The following CAMTA1 variants were observed in gnomAD, a reference collection of about 807,000 sequenced individuals.
The protein encoded by CAMTA1 is calmodulin binding transcription activator 1.
Under a neutral mutation model 170.9 loss-of-function variants are expected in CAMTA1, and 27 were observed. The observed-to-expected ratio is 0.16, with a 90% CI of 0.12 to 0.22. The LOEUF is 0.22. CAMTA1 is among the 10% of genes least tolerant of loss of function. The probability of loss-of-function intolerance (pLI) is 1.00; values close to 1 mark genes in which losing one functional copy is unlikely to be tolerated. For synonymous variants in CAMTA1, 833 were observed against 891.5 expected, an observed-to-expected ratio of 0.93 and a Z score of 1.17; for missense variants, 1,619 against 2,217.2, an observed-to-expected ratio of 0.73 and a Z score of 5.42.
chr1:6,994,113 T>G lies in CAMTA1; in HGVS notation c.235-97191T>G, dbSNP rs914126643. Among the ~76,000 whole-genome samples the G allele has an allele frequency of 2.0e-5, 3 of 152,210 alleles. 1 individual carries two copies. The South Asian group carries it at 6.2e-4, about 32-fold the overall frequency. ...TCTTGCAACTATATTGTTTATATCTTAATTTCTTCATGCTATACTTGTTAT... is the reference window on the plus strand; with the variant it reads ...TCTTGCAACTATATTGTTTATATCTGAATTTCTTCATGCTATACTTGTTAT... On this transcript the variant is annotated intron_variant, in intron 3 of 22. Coordinates refer to ENST00000303635, the MANE Select transcript of CAMTA1 (RefSeq NM_015215.4).
At chr1:7,722,102 T>C (rs559551615) in intron 11 of CAMTA1, among the ~76,000 whole-genome samples, 1 of 152,232 alleles carries the variant, frequency 6.6e-6, no homozygotes, top group African/African-American at 2.4e-5. Flanking sequence ...TAGGAGCTGG[T>C]TTCCTGGCAT....
chr1:7,098,258 G>T (rs764736238), intron 4 of CAMTA1, among the ~76,000 whole-genome samples: 2 of 152,250 alleles, frequency 1.3e-5, no homozygotes, highest in Non-Finnish European at 2.9e-5. Context: ...AAAGGAAACT[G>T]GGTCAGCAGT....
intron 10 of CAMTA1, among the ~76,000 whole-genome samples, chr1:7,675,862 C>T (rs750899881): frequency 3.9e-5 from 6 of 152,138 alleles, no homozygotes; most frequent in Non-Finnish European, 7.4e-5. Flanking sequence ...GCTGGGACCC[C>T]GGAGACCACA....
In CAMTA1 at chr1:7,680,489, C is replaced by A. The variant is rs1216961479; in HGVS notation, c.2914+2756C>A. Among the ~76,000 whole-genome samples the A allele has an allele frequency of 6.6e-6, 1 of 150,988 alleles. No homozygotes were observed. The highest frequency in any genetic ancestry group is 2.4e-5 in the African/African-American group (1 of 41,092). On this transcript the variant is annotated intron_variant, in intron 11 of 22. Coordinates refer to ENST00000303635, the MANE Select transcript of CAMTA1 (RefSeq NM_015215.4). The surrounding 1 kb of genome is among the most constrained non-coding windows in gnomAD (Gnocchi z 4.4). ...GCGCGCCCTCCCGCCGACGCGCAGCCGCAATGCGGGGCCCTTCGCGGAACT... is the reference window on the plus strand; with the variant it reads ...GCGCGCCCTCCCGCCGACGCGCAGCAGCAATGCGGGGCCCTTCGCGGAACT...
intron 3 of CAMTA1, among the ~76,000 whole-genome samples, chr1:6,852,845 G>C (rs1418500544): frequency 2.0e-5 from 3 of 152,252 alleles, no homozygotes; most frequent in Non-Finnish European, 4.4e-5. Context: ...TTCCCAGGAG[G>C]TGGTGGGGTG....
At chr1:7,257,076 C>CGGGGGGGG (rs146110106) in intron 5 of CAMTA1, among the ~76,000 whole-genome samples, 17 of 135,024 alleles carry the variant, frequency 1.3e-4, no homozygotes, top group Non-Finnish European at 2.0e-4. Context: ...CATCGCATGG[C>CGGGGGGGG]GGGGGCGGGG....
intron 22 of CAMTA1, among the ~76,000 whole-genome samples, chr1:7,766,158 A>T (rs987070425): frequency 6.6e-6 from 1 of 152,332 alleles, no homozygotes; most frequent in Non-Finnish European, 1.5e-5. Context: ...ATTTTTATTA[A>T]GATAAACATG....
At chr1:6,909,263 A>G (rs976612806) in intron 3 of CAMTA1, among the ~76,000 whole-genome samples, 2 of 152,252 alleles carry the variant, frequency 1.3e-5, no homozygotes, top group African/African-American at 2.4e-5. Flanking sequence ...ACCTAATACT[A>G]CTTAATAATA....
intron 7 of CAMTA1, 144 bp from the exon 8 acceptor site, chr1:7,661,582 C>T: frequency 1.1e-6 from 1 of 892,594 alleles, no homozygotes; most frequent in Non-Finnish European, 1.8e-6. Context: ...TCCTCCTCCC[C>T]TACTCATCAA....
chr1:6,985,345 T>C (rs1695180917), intron 3 of CAMTA1, among the ~76,000 whole-genome samples: 1 of 152,210 alleles, frequency 6.6e-6, no homozygotes, highest in Non-Finnish European at 1.5e-5. Context: ...TGATCTCTGC[T>C]CCTCTCCACA....
intron 3 of CAMTA1, among the ~76,000 whole-genome samples, chr1:6,892,832 C>T (rs572808679): frequency 6.6e-6 from 1 of 152,012 alleles, no homozygotes; most frequent in South Asian, 2.1e-4. Context: ...ACTATGAGAT[C>T]TCAGTGACCA....
chr1:7,027,232 T>G (rs1702147194), intron 3 of CAMTA1, among the ~76,000 whole-genome samples: 2 of 152,190 alleles, frequency 1.3e-5, no homozygotes, highest in African/African-American at 4.8e-5. Flanking sequence ...CGGTTTGTAT[T>G]TGGATACACA....
At chr1:7,504,057 G>A (rs1048417083) in intron 6 of CAMTA1, among the ~76,000 whole-genome samples, 3 of 152,152 alleles carry the variant, frequency 2.0e-5, no homozygotes, top group African/African-American at 7.2e-5. Context: ...AGCCTCAGCC[G>A]AGACTGGCCA....
At chr1:7,668,218 G>A (rs192524221) in intron 9 of CAMTA1, among the ~76,000 whole-genome samples, 14 of 152,174 alleles carry the variant, frequency 9.2e-5, no homozygotes, top group East Asian at 1.9e-4. Context: ...TTGGCTAAAC[G>A]GTTACTCAGC....
At chr1:7,187,154 T>C (rs1653506172) in intron 4 of CAMTA1, among the ~76,000 whole-genome samples, 1 of 152,022 alleles carries the variant, frequency 6.6e-6, no homozygotes. Context: ...TGCGGGGGCA[T>C]TTGAACCAAG....
chr1:6,829,463 G>A (rs1570578427), intron 3 of CAMTA1, among the ~76,000 whole-genome samples: 1 of 152,094 alleles, frequency 6.6e-6, no homozygotes, highest in South Asian at 2.1e-4. Flanking sequence ...TTGTGCTCCC[G>A]CAGCCACCAA....
At chr1:7,365,512 T>A (rs2085897557) in intron 5 of CAMTA1, among the ~76,000 whole-genome samples, 1 of 152,120 alleles carries the variant, frequency 6.6e-6, no homozygotes, top group Non-Finnish European at 1.5e-5. Flanking sequence ...CAGCCAAGCG[T>A]CTTCTTTCCC....
At chr1:7,640,856 G>A (rs772155367) in intron 7 of CAMTA1, among the ~76,000 whole-genome samples, 5 of 152,160 alleles carry the variant, frequency 3.3e-5, no homozygotes, top group East Asian at 1.9e-4. Context: ...CCGGGTCTCC[G>A]GGGCCACAGA....
intron 5 of CAMTA1, among the ~76,000 whole-genome samples, chr1:7,439,797 G>C (rs1018632862): frequency 6.6e-6 from 1 of 152,190 alleles, no homozygotes; most frequent in East Asian, 1.9e-4. Context: ...GGGAGGGAGA[G>C]TGCCGAGCCC....
Sources: gnomAD v4.1 joint callset for allele counts (sites outside exome capture counted in the v4.1 genomes callset) on GRCh38, gnomAD v4.1.1 for gene constraint, Gnocchi (gnomAD v3.1) non-coding constraint, MANE v1.5 for transcripts, NCBI Gene and HGNC (gene_info 2026-07-23, HGNC 2026-07-21) for gene names.